The following PALM2AKAP2 variants were observed in gnomAD, a reference collection of about 807,000 sequenced individuals.
The protein encoded by PALM2AKAP2 is PALM2-AKAP2 fusion protein.
A neutral mutation model predicts 71.5 loss-of-function variants in PALM2AKAP2; 37 were observed. The ratio of observed to expected loss-of-function variants is 0.52; its 90% CI spans 0.40 to 0.68. The LOEUF (loss-of-function observed/expected upper bound fraction) is 0.68. PALM2AKAP2 is among the 30% of genes least tolerant of loss of function. The pLI, the probability that PALM2AKAP2 is intolerant of heterozygous loss-of-function variation, is 0.00. For missense variants in PALM2AKAP2, 1,224 were observed against 1,191.8 expected, an observed-to-expected ratio of 1.03 and a Z score of -0.40; for synonymous variants, 468 against 478.8, an observed-to-expected ratio of 0.98 and a Z score of 0.29.
At chr9:109,697,399 C>T (rs1827987653) in intron 1 of PALM2AKAP2, among the ~76,000 whole-genome samples, 1 of 151,966 alleles carries the variant, frequency 6.6e-6, no homozygotes, top group Non-Finnish European at 1.5e-5. Flanking sequence ...CAATTGGGGT[C>T]TATGAAATTA....
At chr9:109,873,606 C>T in intron 2 of PALM2AKAP2, among the ~76,000 whole-genome samples, 1 of 152,026 alleles carries the variant, frequency 6.6e-6, no homozygotes, top group South Asian at 2.1e-4. Flanking sequence ...CATGAAAGTA[C>T]ACAAAGGAAT....
intron 1 of PALM2AKAP2, among the ~76,000 whole-genome samples, chr9:109,791,873 G>A (rs1038195702): frequency 2.6e-5 from 4 of 152,182 alleles, no homozygotes; most frequent in Admixed American, 2.0e-4. Context: ...GCTCACAACA[G>A]TTTAAATACT....
intron 3 of PALM2AKAP2, among the ~76,000 whole-genome samples, chr9:109,906,972 C>T (rs1330416862): frequency 6.6e-6 from 1 of 152,178 alleles, no homozygotes; most frequent in Non-Finnish European, 1.5e-5. Context: ...TACAGAGGTC[C>T]TCATTCACTC....
intron 6 of PALM2AKAP2, among the ~76,000 whole-genome samples, chr9:110,010,555 T>C (rs1411563427): frequency 1.4e-5 from 2 of 147,774 alleles, no homozygotes; most frequent in African/African-American, 4.9e-5. Flanking sequence ...ATTCTATATA[T>C]AGAATATATA....
intron 6 of PALM2AKAP2, among the ~76,000 whole-genome samples, chr9:109,994,942 G>T (rs989133704): frequency 2.0e-5 from 3 of 152,138 alleles, no homozygotes; most frequent in African/African-American, 7.2e-5. Context: ...GCATTCATTT[G>T]CTAGAATTCA....
At chr9:110,052,543 G>T (rs260221) in intron 1 of PALM2AKAP2, among the ~76,000 whole-genome samples, 115,927 of 152,184 alleles carry the variant, frequency 0.76, 45,173 homozygotes, top group African/African-American at 0.94. Context: ...TCTACCATTT[G>T]GCTCAGAGAG....
At chr9:109,811,669 T>G (rs1827730762) in intron 1 of PALM2AKAP2, among the ~76,000 whole-genome samples, 4 of 152,150 alleles carry the variant, frequency 2.6e-5, no homozygotes, top group Admixed American at 2.0e-4. Flanking sequence ...AGTCCTGGGC[T>G]CAAGCAATCC....
intron 1 of PALM2AKAP2, among the ~76,000 whole-genome samples, chr9:109,767,617 C>T (rs10816863): frequency 0.18 from 26,687 of 152,182 alleles, 2,544 homozygotes; most frequent in South Asian, 0.32. Flanking sequence ...CACCCTCTGG[C>T]CTCCTCTCCC....
At chr9:110,099,508 C>T (rs1161837704) in intron 1 of PALM2AKAP2, among the ~76,000 whole-genome samples, 1 of 152,160 alleles carries the variant, frequency 6.6e-6, no homozygotes, top group African/African-American at 2.4e-5. Flanking sequence ...TACAAGCTGC[C>T]AGCCCATCCA....
chr9:109,998,922 C>T (rs1832628091), intron 6 of PALM2AKAP2, among the ~76,000 whole-genome samples: 1 of 152,084 alleles, frequency 6.6e-6, no homozygotes, highest in African/African-American at 2.4e-5. Context: ...GCTTAGGCAG[C>T]CTCGAGGCCC....
At chr9:110,091,105 G>A (rs750655490) in intron 1 of PALM2AKAP2, among the ~76,000 whole-genome samples, 4 of 152,120 alleles carry the variant, frequency 2.6e-5, no homozygotes, top group Non-Finnish European at 5.9e-5. Flanking sequence ...ACTTTGCAGG[G>A]ATTTGGGGCA....
chr9:110,139,941 C>G (rs1335910534), intron 2 of PALM2AKAP2, among the ~76,000 whole-genome samples: 1 of 152,142 alleles, frequency 6.6e-6, no homozygotes, highest in African/African-American at 2.4e-5. Flanking sequence ...ACAGGTAGCA[C>G]GTGGTATTAG....
At chr9:109,851,562 A>G (rs1479684453) in intron 1 of PALM2AKAP2, among the ~76,000 whole-genome samples, 2 of 152,200 alleles carry the variant, frequency 1.3e-5, no homozygotes, top group Non-Finnish European at 2.9e-5. Context: ...AAAGGGAAGC[A>G]AAGTACCACA....
intron 1 of PALM2AKAP2, among the ~76,000 whole-genome samples, chr9:109,824,253 G>A (rs1051062528): frequency 2.0e-5 from 3 of 152,200 alleles, no homozygotes; most frequent in East Asian, 1.9e-4. Flanking sequence ...AGAAGGATAA[G>A]GTGGAAATGT....
chr9:109,783,000 G>A (rs1826861047), intron 1 of PALM2AKAP2, among the ~76,000 whole-genome samples: 1 of 152,108 alleles, frequency 6.6e-6, no homozygotes, highest in Non-Finnish European at 1.5e-5. Context: ...TCTCTCTGGA[G>A]ATGTGAGGGA....
intron 6 of PALM2AKAP2, among the ~76,000 whole-genome samples, chr9:109,978,130 GGGATGC>G (rs1588041776): frequency 6.6e-6 from 1 of 152,096 alleles, no homozygotes; most frequent in East Asian, 1.9e-4. Context: ...AGTGGAAGGA[GGGATGC>G]ATGCCTCCTC....
chr9:109,911,566 G>A (rs1413696421), intron 3 of PALM2AKAP2, among the ~76,000 whole-genome samples: 1 of 152,202 alleles, frequency 6.6e-6, no homozygotes, highest in East Asian at 1.9e-4. Context: ...CTTAGATCAA[G>A]ATATAAATCA....
chr9:109,815,799 G>A (rs1200016332), intron 1 of PALM2AKAP2, among the ~76,000 whole-genome samples: 1 of 152,146 alleles, frequency 6.6e-6, no homozygotes, highest in Admixed American at 6.5e-5. Context: ...AAGAAGAGAA[G>A]TAAGTCTTAG....
intron 1 of PALM2AKAP2, among the ~76,000 whole-genome samples, chr9:109,782,406 A>G (rs893182568): frequency 1.3e-5 from 2 of 152,214 alleles, no homozygotes; most frequent in African/African-American, 2.4e-5. Flanking sequence ...CCACGCCTTC[A>G]GTCAATCTTG....
Sources: allele counts gnomAD v4.1 joint callset (sites outside exome capture counted in the v4.1 genomes callset), GRCh38; gene constraint gnomAD v4.1.1; transcripts MANE v1.5; gene names NCBI Gene and HGNC (gene_info 2026-07-23, HGNC 2026-07-21).